Variants in GPR146 observed in about 807,000 individuals in gnomAD.
GPR146 encodes G protein-coupled receptor 146.
For missense variants in GPR146, 381 were observed against 213.9 expected, an observed-to-expected ratio of 1.78 and a Z score of -4.87; for synonymous variants, 203 against 104.3, an observed-to-expected ratio of 1.95 and a Z score of -5.77.
At chr7:1,049,258 G>A (rs1782872734) in intron 1 of GPR146, among the ~76,000 whole-genome samples, 1 of 152,266 alleles carries the variant, frequency 6.6e-6, no homozygotes, top group Admixed American at 6.5e-5. Context: ...TCACAGAACA[G>A]CTTCCTCTGC....
chr7:1,052,998 G>A lies in GPR146; in HGVS notation c.-24-4494G>A, dbSNP rs991310164. Among the ~76,000 whole-genome samples, 2 of 152,204 alleles carry A rather than the reference G, an allele frequency of 1.3e-5. No individual in the cohort carries two copies. Among genetic ancestry groups the A allele is most frequent in the Admixed American group, 6.5e-5 (1 of 15,282 alleles). On this transcript the variant is annotated intron_variant, in intron 1 of 1. Coordinates refer to ENST00000444847, the MANE Select transcript of GPR146 (RefSeq NM_001303473.2). The surrounding 1 kb of genome is among the most constrained non-coding windows in gnomAD (Gnocchi z 4.2). The stretch of plus-strand genomic sequence containing the variant: ...TAAGTCTCCCATCACCTGGCTCCCC[G>A]TTCCTCTTTCCCTTGAAGGAAGTCA...
intron 1 of GPR146, among the ~76,000 whole-genome samples, chr7:1,054,519 G>A (rs897582741): frequency 3.9e-5 from 6 of 152,238 alleles, no homozygotes; most frequent in Admixed American, 1.3e-4. Flanking sequence ...GCACGTGAGC[G>A]CAGGGAGGAA....
At chr7:1,047,845 G>A (rs1309792236) in intron 1 of GPR146, among the ~76,000 whole-genome samples, 1 of 152,208 alleles carries the variant, frequency 6.6e-6, no homozygotes, top group Non-Finnish European at 1.5e-5. Context: ...TCTACTCAGT[G>A]GGGAAATTGG....
At chr7:1,046,094 T>A (rs1283745017) in intron 1 of GPR146, among the ~76,000 whole-genome samples, 1 of 152,190 alleles carries the variant, frequency 6.6e-6, no homozygotes, top group African/African-American at 2.4e-5. Context: ...ATACAATGAA[T>A]CAATGGCATA....
chr7:1,045,744 G>A (rs1476804890), intron 1 of GPR146: 1 of 152,252 alleles, frequency 6.6e-6, no homozygotes, highest in Non-Finnish European at 1.5e-5. Flanking sequence ...CCTCAATGAA[G>A]AAGGCCTCTG....
intron 1 of GPR146, among the ~76,000 whole-genome samples, chr7:1,046,620 G>A (rs1330925488): frequency 2.0e-5 from 3 of 152,136 alleles, no homozygotes; most frequent in Admixed American, 6.6e-5. Context: ...GATGCTGCCC[G>A]GGACCAGAAG....
At chr7:1,055,651 T>G (rs938903040) in intron 1 of GPR146, among the ~76,000 whole-genome samples, 1 of 151,902 alleles carries the variant, frequency 6.6e-6, no homozygotes, top group Non-Finnish European at 1.5e-5. Flanking sequence ...AATGAAGGGG[T>G]GCCGAGACAG....
At chr7:1,046,955 G>T (rs953299179) in intron 1 of GPR146, among the ~76,000 whole-genome samples, 1 of 152,206 alleles carries the variant, frequency 6.6e-6, no homozygotes, top group Non-Finnish European at 1.5e-5. Context: ...CTAGTAAACC[G>T]GGGCTCGACT....
chr7:1,044,746 C>T (rs1358274226), intron 1 of GPR146, 88 bp downstream of exon 1: 2 of 152,316 alleles, frequency 1.3e-5, no homozygotes, highest in Admixed American at 1.3e-4. Flanking sequence ...GCTGCTGTGG[C>T]TCCCACGGCG....
chr7:1,055,342 A>C (rs911314990), intron 1 of GPR146: 16 of 470,874 alleles, frequency 3.4e-5, no homozygotes, highest in Middle Eastern at 3.2e-4. Context: ...CGCGCTGCTG[A>C]TAAGAGCCTG....
intron 1 of GPR146, among the ~76,000 whole-genome samples, chr7:1,054,052 C>T (rs1783460058): frequency 6.6e-6 from 1 of 152,174 alleles, no homozygotes; most frequent in South Asian, 2.1e-4. Flanking sequence ...GCCTTCCTTC[C>T]ATGCCTCTCA....
intron 1 of GPR146, chr7:1,056,427 C>A (rs1347841006): frequency 4.6e-5 from 7 of 152,570 alleles, no homozygotes; most frequent in African/African-American, 1.7e-4. Flanking sequence ...CCCACACCTC[C>A]CGTCCTGCCC....
At chr7:1,055,024 T>C (rs1783576936) in intron 1 of GPR146, among the ~76,000 whole-genome samples, 1 of 152,060 alleles carries the variant, frequency 6.6e-6, no homozygotes, top group Non-Finnish European at 1.5e-5. Flanking sequence ...CCTGGACACG[T>C]GTCTGCCTGA....
Position 1,052,429 on chromosome 7 carries a change from G to T in GPR146, c.-24-5063G>T, listed in dbSNP as rs1457739423. On this transcript the variant is annotated intron_variant, in intron 1 of 1. Coordinates refer to ENST00000444847, the MANE Select transcript of GPR146 (RefSeq NM_001303473.2). This position sits in a 1 kb window ranked among gnomAD's most constrained non-coding sequence, Gnocchi z 4.2. ...GTGGCAGGTCTTGAGGAGTCGTGGGGGAGGGTTTCGGGGGGAGATGCTGGT... is the reference window on the plus strand; with the variant it reads ...GTGGCAGGTCTTGAGGAGTCGTGGGTGAGGGTTTCGGGGGGAGATGCTGGT... Among the ~76,000 whole-genome samples the T allele has an allele frequency of 6.6e-6, 1 of 152,216 alleles. No individual in the cohort carries two copies. The highest frequency in any genetic ancestry group is 1.5e-5 in the Non-Finnish European group (1 of 68,032).
rs937834308 is a variant in GPR146, at chr7:1,058,317, G to A, written c.802G>A (p.Ala268Thr). The A allele has an allele frequency of 5.9e-5, 46 of 776,284 alleles. 1 individual carries two copies. In the Admixed American group the frequency reaches 7.3e-4, roughly 12 times the overall value. The allele number at this position is 776,284 out of a possible 1,614,324, so 48.1% of individuals were successfully genotyped here. Reference protein sequence around the residue: ...VIISRGKPVDAHYLGLLHFVK... With the variant: ...VIISRGKPVDTHYLGLLHFVK... The stretch of plus-strand genomic sequence containing the variant: ...CATCTCGCGAGGGAAGCCCGTGGAC[G>A]CACACTACCTGGGGCTACTGCACTT... The change falls in exon 2 of 2, where the codon GCA becomes ACA. Residue 268 changes from alanine (A) to threonine (T), a missense_variant. Physicochemically the swap from Ala to Thr is moderately conservative, Grantham distance 58. Coordinates refer to ENST00000444847, the MANE Select transcript of GPR146 (RefSeq NM_001303473.2).
intron 1 of GPR146, among the ~76,000 whole-genome samples, chr7:1,048,016 G>C (rs928506471): frequency 7.2e-6 from 1 of 139,396 alleles, no homozygotes; most frequent in Admixed American, 7.3e-5. Flanking sequence ...GAAAGAGATG[G>C]ATGTGCGGAC....
At chr7:1,045,403 C>G (rs1028492155) in intron 1 of GPR146, 1 of 152,266 alleles carries the variant, frequency 6.6e-6, no homozygotes, top group Non-Finnish European at 1.5e-5. Context: ...ATAGCCAGCT[C>G]CTGTCCACAC....
chr7:1,049,166 G>A (rs1246044909), intron 1 of GPR146, among the ~76,000 whole-genome samples: 3 of 152,338 alleles, frequency 2.0e-5, no homozygotes, highest in Admixed American at 2.0e-4. Context: ...GGGGTGTGAC[G>A]GGGCCCATGT....
intron 1 of GPR146, among the ~76,000 whole-genome samples, chr7:1,050,893 C>A (rs539011155): frequency 1.5e-4 from 23 of 152,216 alleles, no homozygotes; most frequent in Non-Finnish European, 2.5e-4. Context: ...AGAAACTCTA[C>A]CCCTGTCCTT....
Sources: gnomAD v4.1 joint callset for allele counts (sites outside exome capture counted in the v4.1 genomes callset) on GRCh38, gnomAD v4.1.1 for gene constraint, Gnocchi (gnomAD v3.1) non-coding constraint, MANE v1.5 for transcripts, NCBI Gene and HGNC (gene_info 2026-07-23, HGNC 2026-07-21) for gene names.